Variants in ATXN1 observed in about 807,000 individuals in gnomAD.
ATXN1 encodes ataxin-1.
In ATXN1, 8 loss-of-function variants were observed where a neutral mutation model predicts 56.4. The observed-to-expected ratio is 0.14, with a 90% CI of 0.08 to 0.26. The LOEUF (loss-of-function observed/expected upper bound fraction) is 0.26, where lower values mean the gene tolerates loss of function less well. ATXN1 is among the 10% of genes least tolerant of loss of function. ATXN1 has a pLI of 1.00. For synonymous variants in ATXN1, 514 were observed against 494.6 expected (o/e 1.04, Z -0.52); for missense variants, 987 against 1,106.5 (o/e 0.89, Z 1.53).
intron 1 of ATXN1, 27 bp downstream of exon 1, chr6:16,761,271 G>A (rs1295472732): frequency 2.2e-6 from 1 of 446,430 alleles, no homozygotes; most frequent in Non-Finnish European, 4.5e-6. Flanking sequence ...GAAAGAATCG[G>A]AGGAGGAAAA....
At chr6:16,398,074 G>C in intron 6 of ATXN1, among the ~76,000 whole-genome samples, 1 of 152,152 alleles carries the variant, frequency 6.6e-6, no homozygotes, top group East Asian at 1.9e-4. Context: ...ATGCCAATCT[G>C]TCATGAAAAT....
intron 6 of ATXN1, among the ~76,000 whole-genome samples, chr6:16,387,129 A>G (rs1472365088): frequency 6.6e-6 from 1 of 152,238 alleles, no homozygotes; most frequent in Non-Finnish European, 1.5e-5. Context: ...CAAGGGATCA[A>G]GCAAATCTCT....
chr6:16,518,487 G>A (rs1035147387), intron 5 of ATXN1, among the ~76,000 whole-genome samples: 29 of 152,152 alleles, frequency 1.9e-4, no homozygotes, highest in African/African-American at 6.8e-4. Flanking sequence ...GGCTAGACTG[G>A]GGAACAGGCA....
rs541949499 is a variant in ATXN1 at position 16,670,256 on chromosome 6, AC to A, written c.-614-12356del. On this transcript the variant is annotated intron_variant, in intron 2 of 7. Coordinates refer to ENST00000436367, the MANE Select transcript of ATXN1 (RefSeq NM_001128164.2). The stretch of plus-strand genomic sequence containing the variant: ...AGCAAGTCTGGCTCTGCCGTCACTC[AC>A]CCCTCGTGCCCTCTCACCCAGATGT... Among the ~76,000 whole-genome samples the A allele has an allele frequency of 3.9e-5, 6 of 151,940 alleles. No homozygotes were observed. In the East Asian group the frequency reaches 9.7e-4, roughly 24 times the overall value.
At chr6:16,704,739 G>A (rs1331420815) in intron 2 of ATXN1, among the ~76,000 whole-genome samples, 1 of 152,168 alleles carries the variant, frequency 6.6e-6, no homozygotes, top group Non-Finnish European at 1.5e-5. Flanking sequence ...CAAGTGTGAT[G>A]CCCAAGGAGA....
intron 4 of ATXN1, among the ~76,000 whole-genome samples, chr6:16,528,209 C>G (rs569998961): frequency 1.3e-5 from 2 of 150,734 alleles, no homozygotes; most frequent in South Asian, 2.1e-4. Context: ...GCTGAGGCAG[C>G]AGAATCTCTT....
chr6:16,455,554 C>G (rs1009441122), intron 6 of ATXN1, among the ~76,000 whole-genome samples: 2 of 151,782 alleles, frequency 1.3e-5, no homozygotes, highest in Non-Finnish European at 1.5e-5. Flanking sequence ...ATGTGGCAAG[C>G]ATGCTCCTTG....
intron 2 of ATXN1, among the ~76,000 whole-genome samples, chr6:16,698,753 C>T (rs1759219591): frequency 6.6e-6 from 1 of 151,860 alleles, no homozygotes; most frequent in African/African-American, 2.4e-5. Context: ...TCAGCCTCAG[C>T]CATCAAACAA....
intron 3 of ATXN1, among the ~76,000 whole-genome samples, chr6:16,603,436 C>A (rs1762947070): frequency 6.6e-6 from 1 of 152,174 alleles, no homozygotes; most frequent in African/African-American, 2.4e-5. Context: ...CATGGGGAGA[C>A]CTCCAACAGC....
At chr6:16,550,155 C>CAAAAAAAAAAAAAAAAAAAAAATA (rs70999336) in intron 4 of ATXN1, among the ~76,000 whole-genome samples, 2 of 91,198 alleles carry the variant, frequency 2.2e-5, no homozygotes, top group African/African-American at 4.5e-5. Flanking sequence ...AAATAAAATA[C>CAAAAAAAAAAAAAAAAAAAAAATA]AAAAAAAAAA....
At chr6:16,472,817 C>A (rs1253647295) in intron 6 of ATXN1, among the ~76,000 whole-genome samples, 1 of 152,158 alleles carries the variant, frequency 6.6e-6, no homozygotes, top group African/African-American at 2.4e-5. Flanking sequence ...AGGGTCTAAA[C>A]CACCACCCCT....
intron 4 of ATXN1, among the ~76,000 whole-genome samples, chr6:16,581,120 T>C (rs549799245): frequency 1.3e-5 from 2 of 152,088 alleles, no homozygotes; most frequent in South Asian, 2.1e-4. Context: ...AAAGGAAACA[T>C]TTCCTAAGAG....
chr6:16,671,904 A>G (rs1358451256), intron 2 of ATXN1, among the ~76,000 whole-genome samples: 1 of 152,224 alleles, frequency 6.6e-6, no homozygotes, highest in Non-Finnish European at 1.5e-5. Context: ...TAACATCAGT[A>G]TTATGCAATG....
Position 16,611,849 on chromosome 6 carries a change from ATTTTTTTTTT to A in ATXN1, c.-488-25952_-488-25943del, listed in dbSNP as rs369870821. Among the ~76,000 whole-genome samples, 10 of 75,178 alleles carry A rather than the reference ATTTTTTTTTT, an allele frequency of 1.3e-4. No homozygotes were observed. In the East Asian group the frequency reaches 3.0e-3, roughly 22 times the overall value. 49.3% of individuals were successfully genotyped at this position (75,178 alleles called of 152,430 possible). ...GTCCTTGGAAAAATAAGCAGATGAA[ATTTTTTTTTT>A]TTTTTTTTTTTTTTTTTTGAGACAG... On this transcript the variant is annotated intron_variant, in intron 3 of 7. Transcript: ENST00000436367.
intron 3 of ATXN1, among the ~76,000 whole-genome samples, chr6:16,633,012 G>T (rs1193278319): frequency 6.8e-6 from 1 of 147,008 alleles, no homozygotes; most frequent in East Asian, 2.0e-4. Context: ...AAAAAAAAAA[G>T]AAAAGAAAGA....
In ATXN1 at chr6:16,299,579, C is replaced by T. The variant is rs184332793; in HGVS notation, c.*6750G>A. The T allele has an allele frequency of 4.8e-4, 74 of 152,764 alleles. No homozygotes were observed. Among genetic ancestry groups the T allele is most frequent in the Non-Finnish European group, 5.9e-5 (4 of 68,064 alleles). 9.5% of individuals were successfully genotyped at this position (152,764 alleles called of 1,614,324 possible). On this transcript the variant is annotated 3_prime_UTR_variant, in exon 8 of 8. Transcript: ENST00000436367. ...ACTGGCCATGTCAGTCTGGTAGTGCCCTCAACCCAAGTTCTGGTGTCTGTT... is the reference window on the plus strand; with the variant it reads ...ACTGGCCATGTCAGTCTGGTAGTGCTCTCAACCCAAGTTCTGGTGTCTGTT...
At chr6:16,609,086 G>T (rs1455707073) in intron 3 of ATXN1, among the ~76,000 whole-genome samples, 2 of 152,186 alleles carry the variant, frequency 1.3e-5, no homozygotes, top group African/African-American at 4.8e-5. Flanking sequence ...TCACATAAAA[G>T]GCTGAATCAG....
At chr6:16,323,170 T>C (rs1321893099) in intron 7 of ATXN1, among the ~76,000 whole-genome samples, 2 of 152,118 alleles carry the variant, frequency 1.3e-5, no homozygotes, top group Admixed American at 6.6e-5. Flanking sequence ...ATCATTAATT[T>C]TGCAAAGTTT....
chr6:16,593,081 G>A (rs1409271605), intron 3 of ATXN1, among the ~76,000 whole-genome samples: 1 of 152,046 alleles, frequency 6.6e-6, no homozygotes, highest in Non-Finnish European at 1.5e-5. Context: ...TTTTTACAGA[G>A]CACTGATTGG....
Sources: allele counts gnomAD v4.1 joint callset (sites outside exome capture counted in the v4.1 genomes callset), GRCh38; gene constraint gnomAD v4.1.1; transcripts MANE v1.5; gene names NCBI Gene and HGNC (gene_info 2026-07-23, HGNC 2026-07-21).